EXOC1: variants seen among roughly 807,000 people sequenced by gnomAD.
EXOC1 encodes the protein exocyst complex component 1.
Under a neutral mutation model 107.7 loss-of-function variants are expected in EXOC1, and 67 were observed. That is an observed-to-expected ratio of 0.62 (90% CI 0.51 to 0.76). The LOEUF (loss-of-function observed/expected upper bound fraction) is 0.76. Ranked by LOEUF, EXOC1 falls within the 30% of genes least tolerant of loss-of-function variation. The probability of loss-of-function intolerance (pLI) is 0.00; values close to 1 mark genes in which losing one functional copy is unlikely to be tolerated. For missense variants in EXOC1, 833 were observed against 1,055.7 expected (o/e 0.79, Z 2.92); for synonymous variants, 348 against 353.5 (o/e 0.98, Z 0.17).
At chr4:55,877,790 A>G in intron 8 of EXOC1, 127 bp from the exon 9 acceptor site, 1 of 1,468,950 alleles carries the variant, frequency 6.8e-7, no homozygotes, top group Non-Finnish European at 9.0e-7. Context: ...TCTGTGTTCT[A>G]TTCTTAATTA....
intron 11 of EXOC1, among the ~76,000 whole-genome samples, chr4:55,889,144 G>A (rs1724228379): frequency 6.6e-6 from 1 of 152,160 alleles, no homozygotes; most frequent in South Asian, 2.1e-4. Flanking sequence ...GTAGAACATT[G>A]TGTCAGAAAT....
Position 55,864,333 on chromosome 4 carries a change from G to A in EXOC1, c.362G>A (p.Arg121Gln), listed in dbSNP as rs1480704275. 1.2e-6 allele frequency: 2 copies of A among 1,610,890 alleles called. No homozygotes were observed. The highest frequency in any genetic ancestry group is 1.1e-5 in the South Asian group (1 of 89,950). The change falls in exon 4 of 19, where the codon CGA becomes CAA. Residue 121 changes from arginine (R) to glutamine (Q), a missense_variant. By Grantham distance (43) the Arg-to-Gln change is conservative. Transcript: ENST00000381295. ...FISCIWKLNQRYLRKKIDFVN... is the reference protein window; with the variant it reads ...FISCIWKLNQQYLRKKIDFVN... ...TCATGCATTTGGAAATTGAATCAGCGATATCTCCGGAAGAAAATTGATTTT... is the reference window on the plus strand; with the variant it reads ...TCATGCATTTGGAAATTGAATCAGCAATATCTCCGGAAGAAAATTGATTTT...
chr4:55,902,625 C>T (rs1577799373), intron 18 of EXOC1, 87 bp downstream of exon 18: 1 of 1,099,872 alleles, frequency 9.1e-7, no homozygotes, highest in East Asian at 3.0e-5. Flanking sequence ...TGCTACAGAT[C>T]TAGAGCAGGA....
chr4:55,882,209 C>T (rs748337896), intron 9 of EXOC1, among the ~76,000 whole-genome samples: 5 of 152,104 alleles, frequency 3.3e-5, no homozygotes, highest in Non-Finnish European at 5.9e-5. Flanking sequence ...GATGTGATCA[C>T]AGCTCACTGC....
Position 55,877,156 on chromosome 4 carries a change from T to C in EXOC1, c.1075-761T>C, listed in dbSNP as rs564337786. On this transcript the variant is annotated intron_variant, in intron 8 of 18. Coordinates refer to ENST00000381295, the MANE Select transcript of EXOC1 (RefSeq NM_001024924.2). The stretch of plus-strand genomic sequence containing the variant: ...AAATTCAGGACGCTTATTTAGCTAA[T>C]GTGTACCAACTAGTATGATACACAT... 1.0e-5 allele frequency: 10 copies of C among 982,264 alleles called. No homozygotes were observed. In the African/African-American group the frequency reaches 1.7e-4, roughly 17 times the overall value. 60.8% of individuals were successfully genotyped at this position (982,264 alleles called of 1,614,324 possible).
At chr4:55,868,280 G>A in intron 4 of EXOC1, 56 bp from the exon 5 acceptor site, 2 of 1,478,482 alleles carry the variant, frequency 1.4e-6, no homozygotes, top group Non-Finnish European at 1.8e-6. Context: ...TATGTATTAT[G>A]TTATAGTCTT....
Position 55,868,533 on chromosome 4 carries a change from TC to T in EXOC1, c.603+12del. 2 of 1,610,682 alleles carry T rather than the reference TC, an allele frequency of 1.2e-6. No homozygotes were observed. The highest frequency in any genetic ancestry group is 1.7e-6 in the Non-Finnish European group (2 of 1,177,824). On this transcript the variant is annotated intron_variant, in intron 5 of 18. Coordinates refer to ENST00000381295, the MANE Select transcript of EXOC1 (RefSeq NM_001024924.2). ...GCAGGTGCTAGATGGGGTAAGACTT[TC>T]CTGAATTCTATGAATAAGTGATGTA...
intron 3 of EXOC1, among the ~76,000 whole-genome samples, chr4:55,861,036 T>C (rs187519112): frequency 2.8e-4 from 42 of 151,968 alleles, no homozygotes; most frequent in African/African-American, 8.0e-4. Flanking sequence ...TATGAAGATA[T>C]AAACTTACAC....
chr4:55,894,410 A>T (rs1947128), intron 15 of EXOC1, among the ~76,000 whole-genome samples: 101,081 of 151,630 alleles, frequency 0.67, 34,422 homozygotes, highest in East Asian at 0.82. Context: ...CAATTGAAAC[A>T]ATCATTTGGG....
intron 8 of EXOC1, chr4:55,876,269 T>G (rs1382440271): frequency 1.9e-5 from 19 of 985,334 alleles, no homozygotes; most frequent in Non-Finnish European, 2.3e-5. Flanking sequence ...AAGATGTGAT[T>G]GTTTTATATT....
intron 2 of EXOC1, among the ~76,000 whole-genome samples, chr4:55,859,455 G>A (rs1330683122): frequency 4.6e-5 from 7 of 152,106 alleles, no homozygotes; most frequent in Non-Finnish European, 1.0e-4. Flanking sequence ...ATTCTACAAT[G>A]AATTGTTGGT....
chr4:55,888,619 A>G (rs1197399172), intron 10 of EXOC1, among the ~76,000 whole-genome samples: 1 of 152,086 alleles, frequency 6.6e-6, no homozygotes, highest in African/African-American at 2.4e-5. Flanking sequence ...AAAACATTTT[A>G]AAGTGTAGGG....
In EXOC1 at chr4:55,870,824, T is replaced by C. The variant is rs746190725; in HGVS notation, c.750T>C (p.Asp250=). ...TCCAAAGTGTAAAAGAACAAATGGA[T>C]CAGATCTCTGAAAGCAACCACCTAA... ...EMLQSVKEQM[D]QISESNHLIH... is the part of the protein sequence containing the mutation. Residue 250 remains aspartate, a synonymous_variant, in exon 6 of 19, where the codon GAT becomes GAC. Transcript: ENST00000381295. 1.2e-6 allele frequency: 2 copies of C among 1,613,856 alleles called. No individual in the cohort carries two copies. Among genetic ancestry groups the C allele is most frequent in the Non-Finnish European group, 1.7e-6 (2 of 1,179,910 alleles).
At position 55,876,882 on chromosome 4, in the gene EXOC1, T is replaced by C. The variant is rs1577720899; in HGVS notation, c.1075-1035T>C. On this transcript the variant is annotated intron_variant, in intron 8 of 18. Transcript: ENST00000381295. ...GAAGAAAATTTTCCAACAGACTGATTTGAAAACATTTATGAAGAAGGGACA... is the reference window on the plus strand; with the variant it reads ...GAAGAAAATTTTCCAACAGACTGATCTGAAAACATTTATGAAGAAGGGACA... 3 of 985,378 alleles carry C rather than the reference T, an allele frequency of 3.0e-6. 1 individual carries two copies. Among genetic ancestry groups the C allele is most frequent in the East Asian group, 2.3e-4 (2 of 8,816 alleles). The allele number at this position is 985,378 out of a possible 1,614,324, so 61.0% of individuals were successfully genotyped here.
intron 5 of EXOC1, among the ~76,000 whole-genome samples, chr4:55,868,937 T>A (rs1463702953): frequency 5.3e-5 from 8 of 152,202 alleles, no homozygotes; most frequent in Admixed American, 5.2e-4. Flanking sequence ...CTGAAATATG[T>A]GAATCATTTA....
chr4:55,878,969 G>A (rs1211317385), intron 9 of EXOC1, among the ~76,000 whole-genome samples: 1 of 152,174 alleles, frequency 6.6e-6, no homozygotes, highest in Non-Finnish European at 1.5e-5. Flanking sequence ...ATGGTGTTGG[G>A]AATAGATAGA....
chr4:55,875,922 AAAAT>A (rs1422168657), intron 8 of EXOC1: 1 of 927,104 alleles, frequency 1.1e-6, no homozygotes, highest in Non-Finnish European at 1.3e-6. Context: ...AAATTTTTAA[AAAAT>A]AAAACACAAT....
At chr4:55,881,311 G>A (rs1482243916) in intron 9 of EXOC1, among the ~76,000 whole-genome samples, 2 of 152,076 alleles carry the variant, frequency 1.3e-5, no homozygotes, top group African/African-American at 4.8e-5. Context: ...TCTCCTAATA[G>A]CCTCCTGAGA....
intron 2 of EXOC1, 144 bp from the exon 3 acceptor site, chr4:55,860,267 C>CTATTAGGATT (rs1484300631): frequency 1.2e-6 from 1 of 862,370 alleles, no homozygotes; most frequent in Non-Finnish European, 1.7e-6. Flanking sequence ...TCTGTGCTTT[C>CTATTAGGATT]CTCGGTCATA....
Sources: gnomAD v4.1 joint callset for allele counts (sites outside exome capture counted in the v4.1 genomes callset) on GRCh38, gnomAD v4.1.1 for gene constraint, MANE v1.5 for transcripts, NCBI Gene and HGNC (gene_info 2026-07-23, HGNC 2026-07-21) for gene names.